The following PARD6B variants were observed in gnomAD, a reference collection of about 807,000 sequenced individuals.
The protein encoded by PARD6B is partitioning defective 6 homolog beta.
PARD6B carries 4 observed loss-of-function variants against 10.5 expected under a neutral mutation model. The ratio of observed to expected loss-of-function variants is 0.38; its 90% CI spans 0.19 to 0.87. The LOEUF (loss-of-function observed/expected upper bound fraction) is 0.87. PARD6B is among the 40% of genes least tolerant of loss of function. The pLI, the probability that PARD6B is intolerant of heterozygous loss-of-function variation, is 0.41. For synonymous variants in PARD6B, 169 were observed against 170.4 expected (o/e 0.99, Z 0.07); for missense variants, 396 against 470.6 (o/e 0.84, Z 1.47).
At position 50,753,500 on chromosome 20, in the gene PARD6B, C is replaced by T. The variant is rs1027916135; in HGVS notation, c.*3012C>T. On this transcript the variant is annotated 3_prime_UTR_variant, in exon 3 of 3. Coordinates refer to ENST00000371610, the MANE Select transcript of PARD6B (RefSeq NM_032521.3). Reference sequence around the variant, plus strand: ...TCTTAAGTAAATTTATGATAATGTTCTCGAGCTATCAACAAAATATATGTA... The same window carrying T: ...TCTTAAGTAAATTTATGATAATGTTTTCGAGCTATCAACAAAATATATGTA... 1 of 963,776 alleles carries T rather than the reference C, an allele frequency of 1.0e-6. No homozygotes were observed. The highest frequency in any genetic ancestry group is 1.1e-4 in the East Asian group (1 of 8,724). 59.7% of individuals were successfully genotyped at this position (963,776 alleles called of 1,614,324 possible). A position where few individuals can be genotyped will look rare whatever the true frequency, so the allele number is the denominator to read the frequency against.
At chr20:50,742,668 C>G (rs1244770244) in intron 2 of PARD6B, among the ~76,000 whole-genome samples, 1 of 152,106 alleles carries the variant, frequency 6.6e-6, no homozygotes, top group Non-Finnish European at 1.5e-5. Flanking sequence ...GCCTGGCCCC[C>G]AAGTGATTTT....
At chr20:50,744,435 T>TC (rs1220128209) in intron 2 of PARD6B, among the ~76,000 whole-genome samples, 2 of 152,088 alleles carry the variant, frequency 1.3e-5, no homozygotes, top group African/African-American at 4.8e-5. Flanking sequence ...CTTCTTGTCC[T>TC]CCCCCTCCAC....
At chr20:50,748,202 G>A (rs917723738) in intron 2 of PARD6B, among the ~76,000 whole-genome samples, 1 of 152,182 alleles carries the variant, frequency 6.6e-6, no homozygotes, top group African/African-American at 2.4e-5. Flanking sequence ...AATTATCTGG[G>A]CATAGTGGCG....
chr20:50,733,106 C>T lies in PARD6B; in HGVS notation c.66+1254C>T, dbSNP rs113124557. 2.5e-3 allele frequency among the ~76,000 whole-genome samples: 376 copies of T among 152,238 alleles called. 3 individuals carry two copies. Among genetic ancestry groups the T allele is most frequent in the African/African-American group, 8.5e-3 (354 of 41,550 alleles). ...GAATCACATCGAGAAAATCGACATT[C>T]GTTTGTAACATCATTAAAAAATGTG... is the stretch of plus-strand genomic sequence containing the variant. On this transcript the variant is annotated intron_variant, in intron 1 of 2. Coordinates refer to ENST00000371610, the MANE Select transcript of PARD6B (RefSeq NM_032521.3).
chr20:50,751,018 G>A lies in PARD6B; in HGVS notation c.*530G>A. ...TGGGTCTCACTCTGTTGCCCACACT[G>A]GAATGCAGTGGCATGATCACAGCTC... On this transcript the variant is annotated 3_prime_UTR_variant, in exon 3 of 3. Transcript: ENST00000371610. 1.6e-6 allele frequency: 1 copy of A among 618,666 alleles called. No individual in the cohort carries two copies. The highest frequency in any genetic ancestry group is 1.9e-6 in the Non-Finnish European group (1 of 515,212). 38.3% of individuals were successfully genotyped at this position (618,666 alleles called of 1,614,324 possible).
rs529120550 is a variant in PARD6B at position 50,744,416 on chromosome 20, C to G, written c.290-5243C>G. ...AGTGTGACCCACTGCACTGCGCTGG[C>G]TGCAGTAGCTTCTTGTCCTCCCCCT... On this transcript the variant is annotated intron_variant, in intron 2 of 2. Coordinates refer to ENST00000371610, the MANE Select transcript of PARD6B (RefSeq NM_032521.3). Among the ~76,000 whole-genome samples, 8 of 152,240 alleles carry G rather than the reference C, an allele frequency of 5.3e-5. No individual in the cohort carries two copies. In the South Asian group the frequency reaches 1.7e-3, roughly 32 times the overall value.
At chr20:50,746,121 C>CATCT (rs1025704474) in intron 2 of PARD6B, among the ~76,000 whole-genome samples, 1 of 150,078 alleles carries the variant, frequency 6.7e-6, no homozygotes, top group Admixed American at 6.7e-5. Context: ...TTATGTCTTA[C>CATCT]ATCTGCCTGC....
intron 2 of PARD6B, among the ~76,000 whole-genome samples, chr20:50,746,330 C>A (rs73912226): frequency 0.031 from 4,779 of 152,182 alleles, 243 homozygotes; most frequent in African/African-American, 0.11. Context: ...TATTTGGAGG[C>A]CTTCTAGGTG....
At chr20:50,739,125 T>TA (rs1333474610) in intron 2 of PARD6B, among the ~76,000 whole-genome samples, 2 of 151,784 alleles carry the variant, frequency 1.3e-5, no homozygotes, top group Non-Finnish European at 2.9e-5. Flanking sequence ...ATTAAAGACT[T>TA]ACGGTATTTA....
At chr20:50,749,179 T>C (rs1261752186) in intron 2 of PARD6B, among the ~76,000 whole-genome samples, 1 of 151,976 alleles carries the variant, frequency 6.6e-6, no homozygotes, top group African/African-American at 2.4e-5. Context: ...CCATCTGTAC[T>C]AAAAATACAA....
intron 1 of PARD6B, 40 bp downstream of exon 1, chr20:50,731,892 G>A (rs1247482999): frequency 8.7e-6 from 12 of 1,377,496 alleles, no homozygotes; most frequent in Non-Finnish European, 1.0e-5. Context: ...CGGGCCTGGG[G>A]GGCCGGGGCC....
intron 2 of PARD6B, among the ~76,000 whole-genome samples, chr20:50,747,162 A>C (rs1044723706): frequency 2.6e-5 from 4 of 152,216 alleles, no homozygotes; most frequent in Non-Finnish European, 4.4e-5. Flanking sequence ...CCATACTCTG[A>C]CATAATTGAT....
chr20:50,747,899 C>T (rs1185354786), intron 2 of PARD6B, among the ~76,000 whole-genome samples: 1 of 152,166 alleles, frequency 6.6e-6, no homozygotes, highest in Non-Finnish European at 1.5e-5. Flanking sequence ...CAGGAGCTCT[C>T]CAGTTTGCCA....
In PARD6B at chr20:50,753,735, A is replaced by C. The variant is rs914875161; in HGVS notation, c.*3247A>C. The C allele has an allele frequency of 8.9e-5, 58 of 652,704 alleles. No homozygotes were observed. The highest frequency in any genetic ancestry group is 1.0e-4 in the Non-Finnish European group (54 of 526,092). The allele number at this position is 652,704 out of a possible 1,614,324, so 40.4% of individuals were successfully genotyped here. A position where few individuals can be genotyped will look rare whatever the true frequency, so the allele number is the denominator to read the frequency against. On this transcript the variant is annotated 3_prime_UTR_variant, in exon 3 of 3. Transcript: ENST00000371610. ...TTACAAATAAAGATAGACTTGTATAAAGGCTACTTTCTTGTTTGAAATTAT... is the reference window on the plus strand; with the variant it reads ...TTACAAATAAAGATAGACTTGTATACAGGCTACTTTCTTGTTTGAAATTAT...
chr20:50,736,074 C>T (rs2087497979), intron 1 of PARD6B, among the ~76,000 whole-genome samples: 1 of 152,144 alleles, frequency 6.6e-6, no homozygotes, highest in African/African-American at 2.4e-5. Context: ...ATTTTCTTGA[C>T]AGATGTTAGT....
intron 1 of PARD6B, among the ~76,000 whole-genome samples, chr20:50,734,252 T>G (rs942229757): frequency 1.3e-5 from 2 of 152,214 alleles, no homozygotes; most frequent in Non-Finnish European, 2.9e-5. Flanking sequence ...TTGGAAGGGT[T>G]TTTGAAACAG....
Position 50,738,012 on chromosome 20 carries a change from T to C in PARD6B, c.222T>C (p.Asn74=). 1.2e-6 allele frequency: 2 copies of C among 1,613,118 alleles called. No homozygotes were observed. The highest frequency in any genetic ancestry group is 1.7e-6 in the Non-Finnish European group (2 of 1,179,718). ...DIHGDLLPIN[N]DDNYHKAVST... is the part of the protein sequence containing the mutation. ...ATGGAGACTTACTACCTATAAATAA[T>C]GATGATAATTATCACAAAGCTGTTT... Residue 74 remains asparagine, a synonymous_variant, in exon 2 of 3, where the codon AAT becomes AAC. Coordinates refer to ENST00000371610, the MANE Select transcript of PARD6B (RefSeq NM_032521.3).
At chr20:50,735,325 A>G (rs1031389634) in intron 1 of PARD6B, among the ~76,000 whole-genome samples, 1 of 152,184 alleles carries the variant, frequency 6.6e-6, no homozygotes, top group Non-Finnish European at 1.5e-5. Flanking sequence ...TCCTAATTGT[A>G]TCTCTAGTGT....
At chr20:50,735,503 A>G (rs1600814246) in intron 1 of PARD6B, among the ~76,000 whole-genome samples, 1 of 152,344 alleles carries the variant, frequency 6.6e-6, no homozygotes, top group Middle Eastern at 3.4e-3. Context: ...GTCCATACAC[A>G]TTCTGGATGG....
Sources: gnomAD v4.1 joint callset for allele counts (sites outside exome capture counted in the v4.1 genomes callset) on GRCh38, gnomAD v4.1.1 for gene constraint, MANE v1.5 for transcripts, NCBI Gene and HGNC (gene_info 2026-07-23, HGNC 2026-07-21) for gene names.